The following TRIP12 variants were observed in gnomAD, a reference collection of about 807,000 sequenced individuals.
TRIP12 encodes thyroid hormone receptor interactor 12, also known as E3 ubiquitin-protein ligase TRIP12.
TRIP12 carries 25 observed loss-of-function variants against 244.2 expected under a neutral mutation model. The ratio of observed to expected loss-of-function variants is 0.10; its 90% confidence interval spans 0.07 to 0.14. The LOEUF is 0.14. Ranked by LOEUF, TRIP12 falls within the 10% of genes least tolerant of loss-of-function variation. The pLI, the probability that TRIP12 is intolerant of heterozygous loss-of-function variation, is 1.00. For synonymous variants in TRIP12, 905 were observed against 873.1 expected, an observed-to-expected ratio of 1.04 and a Z score of -0.64; for missense variants, 1,677 against 2,486.4, an observed-to-expected ratio of 0.67 and a Z score of 6.92.
chr2:229,812,359 G>A (rs2047468453), intron 13 of TRIP12, among the ~76,000 whole-genome samples: 2 of 152,182 alleles, frequency 1.3e-5, no homozygotes, highest in Non-Finnish European at 2.9e-5. Flanking sequence ...GGGATTACAG[G>A]TGCGAGTCAC....
At chr2:229,775,367 A>G (rs747014709) in intron 37 of TRIP12, among the ~76,000 whole-genome samples, 2 of 149,528 alleles carry the variant, frequency 1.3e-5, no homozygotes, top group Non-Finnish European at 3.0e-5. Flanking sequence ...CATTTGAAGT[A>G]TTCTTCAGCA....
chr2:229,794,759 T>TG (rs2042395209), intron 26 of TRIP12: 1 of 152,254 alleles, frequency 6.6e-6, no homozygotes, highest in Non-Finnish European at 1.5e-5. Flanking sequence ...TTCAAACATT[T>TG]GACCCCATCA....
chr2:229,771,868 T>G (rs979383277), intron 38 of TRIP12, among the ~76,000 whole-genome samples: 2 of 152,190 alleles, frequency 1.3e-5, no homozygotes, highest in South Asian at 4.1e-4. Flanking sequence ...TGCATTTACA[T>G]TTAGTGTGTT....
Position 229,773,963 on chromosome 2 carries a change from A to C in TRIP12, c.5694+134T>G, listed in dbSNP as rs1052144817. ...GCAAAGAGAAGCTAGTGCCTTGTAA[A>C]GCAGCCTTCATGCAGTGGTCCTGGG... On this transcript the variant is annotated intron_variant, in intron 38 of 41. Transcript: ENST00000675903. The C allele has an allele frequency of 2.8e-5, 23 of 826,726 alleles. No individual in the cohort carries two copies. In the Admixed American group the frequency reaches 5.9e-4, roughly 21 times the overall value. 51.2% of individuals were successfully genotyped at this position (826,726 alleles called of 1,614,324 possible).
rs771257539 is a variant in TRIP12 at position 229,804,204 on chromosome 2, C to T, written c.2674G>A (p.Asp892Asn). ...TTCATAAGCTGTGCTCGAGCATCAT[C>T]CTTCTTTGACTCTGAATATCCACCT... ...NTSGYSESKK[D>N]DARAQLMKED... is the part of the protein sequence containing the mutation. The change falls in exon 19 of 42, where the codon GAT becomes AAT. Residue 892 changes from aspartate (D) to asparagine (N), a missense_variant. This residue lies in a region of TRIP12 where 572 missense variants were observed against 867.8 expected (regional missense o/e 0.66). Transcript: ENST00000675903. 6.2e-7 allele frequency: 1 copy of T among 1,613,248 alleles called. No individual in the cohort carries two copies. Among genetic ancestry groups the T allele is most frequent in the Non-Finnish European group, 8.5e-7 (1 of 1,179,778 alleles).
intron 34 of TRIP12, among the ~76,000 whole-genome samples, chr2:229,783,733 C>T (rs534920352): frequency 9.1e-4 from 137 of 150,132 alleles, no homozygotes; most frequent in African/African-American, 3.3e-3. Context: ...AAAATCCTGT[C>T]AAACTTTTTG....
intron 15 of TRIP12, among the ~76,000 whole-genome samples, chr2:229,808,656 T>C (rs1158641927): frequency 6.6e-6 from 1 of 152,206 alleles, no homozygotes; most frequent in Non-Finnish European, 1.5e-5. Context: ...ACCCTTTATT[T>C]CTTTCCTTGA....
chr2:229,798,036 T>C (rs1462212992), intron 23 of TRIP12, among the ~76,000 whole-genome samples: 1 of 152,202 alleles, frequency 6.6e-6, no homozygotes, highest in Admixed American at 6.5e-5. Flanking sequence ...AAACTTAAAA[T>C]ACACTGCAGG....
chr2:229,853,425 C>T (rs1223286164), intron 4 of TRIP12, among the ~76,000 whole-genome samples: 2 of 152,100 alleles, frequency 1.3e-5, no homozygotes, highest in African/African-American at 2.4e-5. Context: ...CCTGGCTGGG[C>T]GAGGCGGGCA....
At chr2:229,796,975 T>C (rs952602355) in intron 24 of TRIP12, among the ~76,000 whole-genome samples, 193 bp from the exon 25 acceptor site, 4 of 152,050 alleles carry the variant, frequency 2.6e-5, no homozygotes, top group Non-Finnish European at 5.9e-5. Context: ...AAATATTTCA[T>C]GAGGAAAACC....
chr2:229,857,275 T>A (rs2059747601), intron 4 of TRIP12, among the ~76,000 whole-genome samples: 1 of 152,164 alleles, frequency 6.6e-6, no homozygotes, highest in Non-Finnish European at 1.5e-5. Context: ...TAAAATGCTT[T>A]TAAAAATTGT....
chr2:229,805,098 GGTTTCACCGT>G (rs2154271602), intron 18 of TRIP12, among the ~76,000 whole-genome samples: 1 of 152,070 alleles, frequency 6.6e-6, no homozygotes, highest in East Asian at 1.9e-4. Flanking sequence ...GTAGAGATAG[GGTTTCACCGT>G]GTTAGCCAGG....
chr2:229,767,795 A>G, intron 41 of TRIP12, 45 bp from the exon 42 acceptor site: 1 of 1,558,702 alleles, frequency 6.4e-7, no homozygotes, highest in Non-Finnish European at 8.7e-7. Flanking sequence ...GTTTTTAAAA[A>G]ACATCAGCTA....
Position 229,767,433 on chromosome 2 carries a change from G to C in TRIP12, c.*121C>G. The C allele has an allele frequency of 8.3e-7, 1 of 1,206,866 alleles. No homozygotes were observed. The highest frequency in any genetic ancestry group is 1.1e-6 in the Non-Finnish European group (1 of 893,324). The allele number at this position is 1,206,866 out of a possible 1,614,324, so 74.8% of individuals were successfully genotyped here. ...CCAAATGTCTCTTTATAATCTGCAA[G>C]CCGTTTTTCCTACAACAAGAAGGCG... On this transcript the variant is annotated 3_prime_UTR_variant, in exon 42 of 42. Transcript: ENST00000675903.
chr2:229,882,328 T>G (rs1330181944), intron 1 of TRIP12, among the ~76,000 whole-genome samples: 1 of 152,218 alleles, frequency 6.6e-6, no homozygotes, highest in Non-Finnish European at 1.5e-5. Flanking sequence ...ACTGTCTATA[T>G]GAGTCTTAAT....
At chr2:229,842,347 CT>C (rs1455023870) in intron 4 of TRIP12, among the ~76,000 whole-genome samples, 1 of 152,128 alleles carries the variant, frequency 6.6e-6, no homozygotes, top group African/African-American at 2.4e-5. Context: ...ATCTGGTCAC[CT>C]AAGAGACAGG....
intron 1 of TRIP12, among the ~76,000 whole-genome samples, chr2:229,906,285 G>T (rs1442241390): frequency 1.5e-5 from 2 of 130,728 alleles, no homozygotes; most frequent in Non-Finnish European, 3.1e-5. Context: ...CAACCTGGCT[G>T]ACAGAATGAG....
rs574579131 is a variant in TRIP12 at position 229,868,824 on chromosome 2, G to A, written c.99-8293C>T. On this transcript the variant is annotated intron_variant, in intron 2 of 41. Transcript: ENST00000675903. ...GATGCAAATAAGAATGCAAAATAAC[G>A]TATAAACATCCTATGACAGCTACAT... Among the ~76,000 whole-genome samples, 13 of 152,306 alleles carry A rather than the reference G, an allele frequency of 8.5e-5. No individual in the cohort carries two copies. In the South Asian group the frequency reaches 1.0e-3, roughly 12 times the overall value.
At chr2:229,770,061 C>G (rs1055187137) in intron 39 of TRIP12, among the ~76,000 whole-genome samples, 2 of 152,260 alleles carry the variant, frequency 1.3e-5, no homozygotes, top group Non-Finnish European at 2.9e-5. Context: ...GTCATGATCT[C>G]CTGGGCTCAA....
Sources: gnomAD v4.1 joint callset for allele counts (sites outside exome capture counted in the v4.1 genomes callset) on GRCh38, gnomAD v4.1.1 for gene constraint, gnomAD v4.1.1 regional missense constraint, MANE v1.5 for transcripts, NCBI Gene and HGNC (gene_info 2026-07-23, HGNC 2026-07-21) for gene names.